The following PDZRN3 variants were observed in gnomAD, a reference collection of about 807,000 sequenced individuals.
The protein encoded by PDZRN3 is PDZ domain containing ring finger 3.
PDZRN3 carries 38 observed loss-of-function variants against 85.7 expected under a neutral mutation model. The observed-to-expected ratio is 0.44, with a 90% CI of 0.34 to 0.58. PDZRN3 has a LOEUF of 0.58. PDZRN3 is among the 20% of genes least tolerant of loss of function. The probability of loss-of-function intolerance (pLI) is 0.01; values close to 1 mark genes in which losing one functional copy is unlikely to be tolerated. For missense variants in PDZRN3, 1,629 were observed against 1,506.4 expected, an observed-to-expected ratio of 1.08 and a Z score of -1.35; for synonymous variants, 759 against 638.0, an observed-to-expected ratio of 1.19 and a Z score of -2.86.
intron 3 of PDZRN3, among the ~76,000 whole-genome samples, chr3:73,600,306 C>T (rs2106893015): frequency 2.6e-5 from 2 of 78,078 alleles, no homozygotes; most frequent in Non-Finnish European, 5.5e-5. Context: ...AGTAATGAAA[C>T]ACACACACAC....
At chr3:73,386,770 G>A (rs1293837873) in intron 8 of PDZRN3, among the ~76,000 whole-genome samples, 2 of 152,234 alleles carry the variant, frequency 1.3e-5, no homozygotes, top group Non-Finnish European at 2.9e-5. Flanking sequence ...GTCTGTGACT[G>A]TGGGTGAGAT....
At chr3:73,514,924 G>A (rs1043768317) in intron 3 of PDZRN3, among the ~76,000 whole-genome samples, 1 of 152,138 alleles carries the variant, frequency 6.6e-6, no homozygotes, top group African/African-American at 2.4e-5. Flanking sequence ...TTACAGACGA[G>A]TAAACAAACT....
intron 3 of PDZRN3, among the ~76,000 whole-genome samples, chr3:73,492,437 G>C (rs1461066800): frequency 1.3e-5 from 2 of 152,156 alleles, no homozygotes; most frequent in African/African-American, 2.4e-5. Flanking sequence ...TATGACCCTT[G>C]CCTTGAATAT....
Position 73,624,749 on chromosome 3 carries a change from TC to T in PDZRN3, c.76del (p.Glu26ArgfsTer4). On this transcript the variant is annotated frameshift_variant, in exon 1 of 10. Coordinates refer to ENST00000263666, the MANE Select transcript of PDZRN3 (RefSeq NM_015009.3). LOFTEE classifies it high-confidence loss of function. The part of the protein sequence containing the change: ...LKCALCHKVL[E>X]DPLTTPCGHV... ...GCCGCACGGCGTGGTCAGCGGGTCC[TC>T]CAGGACCTTGTGGCACAGCGCGCAC... 1 of 1,509,420 alleles carries T rather than the reference TC, an allele frequency of 6.6e-7. No homozygotes were observed. Among genetic ancestry groups the T allele is most frequent in the Admixed American group, 2.1e-5 (1 of 48,084 alleles). 93.5% of individuals were successfully genotyped at this position (1,509,420 alleles called of 1,614,324 possible). A position where few individuals can be genotyped will look rare whatever the true frequency, so the allele number is the denominator to read the frequency against.
chr3:73,567,848 C>T (rs758973939), intron 3 of PDZRN3, among the ~76,000 whole-genome samples: 12 of 152,164 alleles, frequency 7.9e-5, no homozygotes, highest in Non-Finnish European at 1.5e-4. Context: ...AGAAATACAA[C>T]GATAGGGTCC....
intron 3 of PDZRN3, among the ~76,000 whole-genome samples, chr3:73,540,220 A>T (rs1238022876): frequency 6.6e-6 from 1 of 152,156 alleles, no homozygotes; most frequent in East Asian, 1.9e-4. Flanking sequence ...TTAGCATTTT[A>T]TATGTGATTT....
intron 2 of PDZRN3, among the ~76,000 whole-genome samples, chr3:73,604,231 G>A (rs1170633760): frequency 2.0e-5 from 3 of 152,174 alleles, no homozygotes; most frequent in East Asian, 3.9e-4. Context: ...GAACACATCC[G>A]TGTAGCTCCC....
chr3:73,446,340 C>A (rs1473857171), intron 3 of PDZRN3, among the ~76,000 whole-genome samples: 2 of 152,170 alleles, frequency 1.3e-5, no homozygotes, highest in Non-Finnish European at 2.9e-5. Context: ...GCCACGATCC[C>A]ACCACAGCAG....
chr3:73,449,064 A>G (rs528714488), intron 3 of PDZRN3, among the ~76,000 whole-genome samples: 2 of 152,314 alleles, frequency 1.3e-5, no homozygotes, highest in African/African-American at 4.8e-5. Flanking sequence ...TTGCAGAGAA[A>G]GGGGGAAGAA....
At chr3:73,406,882 A>C (rs1350666391) in intron 3 of PDZRN3, among the ~76,000 whole-genome samples, 1 of 152,214 alleles carries the variant, frequency 6.6e-6, no homozygotes. Context: ...CTATGAGTTT[A>C]CACTTTTTAG....
intron 3 of PDZRN3, among the ~76,000 whole-genome samples, chr3:73,435,773 A>C (rs1702519707): frequency 6.6e-6 from 1 of 151,954 alleles, no homozygotes; most frequent in African/African-American, 2.4e-5. Flanking sequence ...ACCCTAGTTC[A>C]TTCCCTACAC....
At chr3:73,501,582 C>G (rs547903086) in intron 3 of PDZRN3, among the ~76,000 whole-genome samples, 4 of 152,300 alleles carry the variant, frequency 2.6e-5, no homozygotes, top group East Asian at 3.9e-4. Flanking sequence ...ATGTAAAAAG[C>G]ATAAATAATA....
intron 3 of PDZRN3, among the ~76,000 whole-genome samples, chr3:73,555,408 G>A (rs762634928): frequency 3.9e-5 from 6 of 152,192 alleles, no homozygotes; most frequent in Non-Finnish European, 8.8e-5. Flanking sequence ...CCACAAACCT[G>A]TAGGGAGAAT....
intron 3 of PDZRN3, among the ~76,000 whole-genome samples, chr3:73,475,550 G>C (rs908274008): frequency 6.6e-6 from 1 of 152,126 alleles, no homozygotes; most frequent in African/African-American, 2.4e-5. Flanking sequence ...AAACATTCTT[G>C]AGAAAATGTC....
At chr3:73,572,815 G>T (rs1702063974) in intron 3 of PDZRN3, among the ~76,000 whole-genome samples, 1 of 152,164 alleles carries the variant, frequency 6.6e-6, no homozygotes, top group Non-Finnish European at 1.5e-5. Context: ...ATTCCCTCCT[G>T]CATTTGGGAA....
intron 3 of PDZRN3, among the ~76,000 whole-genome samples, chr3:73,552,225 AGTGTGTGTGT>A (rs55784793): frequency 2.8e-4 from 41 of 147,862 alleles, no homozygotes; most frequent in South Asian, 1.5e-3. Context: ...GAATTAAAGG[AGTGTGTGTGT>A]GTGTGTGTGT....
chr3:73,563,237 G>C (rs542242075), intron 3 of PDZRN3, among the ~76,000 whole-genome samples: 1 of 150,276 alleles, frequency 6.7e-6, no homozygotes, highest in Non-Finnish European at 1.5e-5. Flanking sequence ...GGGTTTCACC[G>C]TGTTAGCCAG....
intron 3 of PDZRN3, among the ~76,000 whole-genome samples, chr3:73,582,884 T>C (rs1317414750): frequency 1.3e-5 from 2 of 152,248 alleles, no homozygotes; most frequent in Admixed American, 1.3e-4. Flanking sequence ...TCACGGGTTT[T>C]AATAAATGCA....
intron 3 of PDZRN3, among the ~76,000 whole-genome samples, chr3:73,432,804 A>G (rs1471948): frequency 0.11 from 16,377 of 152,198 alleles, 2,899 homozygotes; most frequent in African/African-American, 0.37. Context: ...AGAAAACCTT[A>G]GCTGGATTAT....
Sources: gnomAD v4.1 joint callset for allele counts (sites outside exome capture counted in the v4.1 genomes callset) on GRCh38, gnomAD v4.1.1 for gene constraint, MANE v1.5 for transcripts, NCBI Gene and HGNC (gene_info 2026-07-23, HGNC 2026-07-21) for gene names.